DST: variants seen among roughly 807,000 people sequenced by gnomAD.
The protein encoded by DST is bullous pemphigoid antigen.
Under a neutral mutation model 875.2 loss-of-function variants are expected in DST, and 253 were observed. The ratio of observed to expected loss-of-function variants is 0.29; its 90% CI spans 0.26 to 0.32. The LOEUF is 0.32. Ranked by LOEUF, DST falls within the 10% of genes least tolerant of loss-of-function variation. The probability of loss-of-function intolerance (pLI) is 1.00; values close to 1 mark genes in which losing one functional copy is unlikely to be tolerated. For missense variants in DST, 8,287 were observed against 9,111.6 expected, an observed-to-expected ratio of 0.91 and a Z score of 3.68; for synonymous variants, 3,124 against 3,197.1, an observed-to-expected ratio of 0.98 and a Z score of 0.77.
At position 56,614,416 on chromosome 6, in the gene DST, A is replaced by G. The variant is rs554664201; in HGVS notation, c.4998T>C (p.Asn1666=). ...KAKELQKWVS[N]ISKTLKDAEK... The stretch of plus-strand genomic sequence containing the variant: ...CTGCATCTTTCAATGTCTTGCTGAT[A>G]TTTGATACCCATTTTTGCAATTCTT... Residue 1666 remains asparagine, a synonymous_variant, in exon 37 of 104, where the codon AAT becomes AAC. Transcript: ENST00000680361. 5 of 1,611,492 alleles carry G rather than the reference A, an allele frequency of 3.1e-6. No individual in the cohort carries two copies. Among genetic ancestry groups the G allele is most frequent in the South Asian group, 1.1e-5 (1 of 90,484 alleles).
intron 66 of DST, 61 bp downstream of exon 66, chr6:56,529,387 G>T: frequency 7.9e-7 from 1 of 1,269,864 alleles, no homozygotes; most frequent in Non-Finnish European, 1.0e-6. Context: ...CAGAAATAAG[G>T]ACTAAGAAAT....
chr6:56,578,290 G>A lies in DST; in HGVS notation c.13027+524C>T, dbSNP rs2097906129. Among the ~76,000 whole-genome samples the A allele has an allele frequency of 1.3e-5, 2 of 152,170 alleles. 1 individual carries two copies. The highest frequency in any genetic ancestry group is 1.3e-4 in the Admixed American group (2 of 15,276). On this transcript the variant is annotated intron_variant, in intron 50 of 103. Transcript: ENST00000680361. ...TCAGGAGGCTGAGATGAGGAAGACT[G>A]CTTGAGCCCAGGAAGTCAAGGCTGC... is the stretch of plus-strand genomic sequence containing the variant.
chr6:56,928,550 C>A (rs968827437), intron 2 of DST, among the ~76,000 whole-genome samples: 20 of 152,136 alleles, frequency 1.3e-4, no homozygotes, highest in Admixed American at 9.2e-4. Flanking sequence ...ACTCTTATTT[C>A]TATTATTTAA....
chr6:56,604,337 T>C lies in DST; in HGVS notation c.10291A>G (p.Arg3431Gly). 6.2e-7 allele frequency: 1 copy of C among 1,612,502 alleles called. No homozygotes were observed. Among genetic ancestry groups the C allele is most frequent in the African/African-American group, 1.3e-5 (1 of 74,984 alleles). The change falls in exon 40 of 104, where the codon AGA becomes GGA. Residue 3431 changes from arginine to glycine, a missense_variant. By Grantham distance (125) the Arg-to-Gly change is moderately radical. Around this residue, in one of 10 missense-constraint regions of DST, gnomAD observed 3,138 missense variants for 3,116.6 expected, o/e 1.01. Transcript: ENST00000680361. ...TTTCCAATACAGAAAGGATCATCTC[T>C]ACTTTCTGGCTTTAGTTCTGATGAG... Reference protein sequence around the residue: ...TNSSELKPESRDDPFCIGNLK... With the variant: ...TNSSELKPESGDDPFCIGNLK...
At chr6:56,486,853 G>GTA (rs2095587772) in intron 87 of DST, among the ~76,000 whole-genome samples, 1 of 152,060 alleles carries the variant, frequency 6.6e-6, no homozygotes, top group African/African-American at 2.4e-5. Context: ...AGAAGCAGTG[G>GTA]GTGTAGTCAA....
At chr6:56,618,122 T>G in intron 36 of DST, 2 of 1,614,180 alleles carry the variant, frequency 1.2e-6, no homozygotes, top group Non-Finnish European at 1.7e-6. Flanking sequence ...GTTTGTCTCA[T>G]CAAAAGTTAT....
chr6:56,607,375 TTC>T lies in DST; in HGVS notation c.7251_7252del (p.Asn2418Ter). On this transcript the variant is annotated frameshift_variant, in exon 40 of 104. Transcript: ENST00000680361. LOFTEE classifies it high-confidence loss of function. ...TGAATCCCTGTTTGTATTATCTTCA[TTC>T]TCTGTTTCATTCACACCACAGAATT... 3 of 1,612,956 alleles carry T rather than the reference TTC, an allele frequency of 1.9e-6. No homozygotes were observed. Among genetic ancestry groups the T allele is most frequent in the Non-Finnish European group, 2.5e-6 (3 of 1,179,614 alleles).
intron 4 of DST, among the ~76,000 whole-genome samples, chr6:56,776,188 C>T (rs1361150674): frequency 6.6e-6 from 1 of 152,172 alleles, no homozygotes; most frequent in African/African-American, 2.4e-5. Flanking sequence ...ATAGGAAAAA[C>T]ATCAGATAAA....
At chr6:56,679,007 A>G (rs2099144217) in intron 9 of DST, among the ~76,000 whole-genome samples, 1 of 152,228 alleles carries the variant, frequency 6.6e-6, no homozygotes, top group Non-Finnish European at 1.5e-5. Flanking sequence ...GGGCTCTCCC[A>G]TGTATGTATG....
chr6:56,824,154 G>A (rs925795987), intron 4 of DST, among the ~76,000 whole-genome samples: 6 of 152,274 alleles, frequency 3.9e-5, no homozygotes, highest in South Asian at 2.1e-4. Context: ...GATTGCAGGC[G>A]CGCGCCGCCA....
In DST at chr6:56,714,229, C is replaced by T. The variant is rs2099387385; in HGVS notation, c.688-9860G>A. 6.6e-6 allele frequency among the ~76,000 whole-genome samples: 1 copy of T among 152,148 alleles called. No individual in the cohort carries two copies. Among genetic ancestry groups the T allele is most frequent in the Admixed American group, 6.5e-5 (1 of 15,276 alleles). On this transcript the variant is annotated intron_variant, in intron 5 of 103. Coordinates refer to ENST00000680361, the MANE Select transcript of DST (RefSeq NM_001374736.1). This position sits in a 1 kb window ranked among gnomAD's most constrained non-coding sequence, Gnocchi z 4.5. The stretch of plus-strand genomic sequence containing the variant: ...TATGTTTGGAATGGAATTATAAATA[C>T]AGGTTTATTCTTTTAATTACTTAAT...
At chr6:56,476,399 G>T in intron 91 of DST, 62 bp from the exon 92 acceptor site, 2 of 1,341,222 alleles carry the variant, frequency 1.5e-6, no homozygotes, top group Non-Finnish European at 1.0e-6. Flanking sequence ...TTGCAGTGAT[G>T]TAAAATAAAT....
At chr6:56,684,817 C>T (rs1051190045) in intron 9 of DST, among the ~76,000 whole-genome samples, 1 of 152,160 alleles carries the variant, frequency 6.6e-6, no homozygotes, top group Non-Finnish European at 1.5e-5. Flanking sequence ...AAAGGCAGAC[C>T]CTTTTCACTG....
At chr6:56,884,780 G>A (rs1208395917) in intron 3 of DST, among the ~76,000 whole-genome samples, 1 of 151,970 alleles carries the variant, frequency 6.6e-6, no homozygotes, top group Non-Finnish European at 1.5e-5. Flanking sequence ...CCAGGCTGGA[G>A]TGCAATGGCG....
chr6:56,593,805 G>A lies in DST; in HGVS notation c.12584C>T (p.Thr4195Ile). Residue 4195 changes from threonine (T) to isoleucine (I), a missense_variant, in exon 48 of 104, where the codon ACA (threonine) becomes ATA (isoleucine). By Grantham distance (89) the Thr-to-Ile change is moderately conservative. Around this residue, in one of 10 missense-constraint regions of DST, gnomAD observed 1,513 missense variants for 1,677.8 expected, o/e 0.90. Transcript: ENST00000680361. Reference protein sequence around the residue: ...ISHKGDLRYITISGNRVLEAA... With the variant: ...ISHKGDLRYIIISGNRVLEAA... ...TTCCAACACTCTGTTTCCAGAAATT[G>A]TGATGTATCTCAAGTCACCTTTGTG... The A allele has an allele frequency of 6.2e-7, 1 of 1,613,926 alleles. No homozygotes were observed. Among genetic ancestry groups the A allele is most frequent in the South Asian group, 1.1e-5 (1 of 91,078 alleles).
intron 4 of DST, among the ~76,000 whole-genome samples, chr6:56,820,203 T>A (rs1345524470): frequency 1.3e-5 from 2 of 152,224 alleles, no homozygotes; most frequent in Admixed American, 1.3e-4. Context: ...AAAATAAGGA[T>A]ACTTTAAGTA....
intron 3 of DST, among the ~76,000 whole-genome samples, chr6:56,897,454 C>T (rs1274407909): frequency 2.0e-5 from 3 of 152,142 alleles, no homozygotes; most frequent in Admixed American, 1.3e-4. Flanking sequence ...CTTCCACCTC[C>T]CGAGTAGCTG....
chr6:56,678,649 A>C (rs2099142203), intron 9 of DST, among the ~76,000 whole-genome samples: 1 of 152,226 alleles, frequency 6.6e-6, no homozygotes, highest in South Asian at 2.1e-4. Context: ...GCAATTAAGT[A>C]GCAGCAGATG....
chr6:56,537,946 A>G (rs549057276), intron 61 of DST, among the ~76,000 whole-genome samples: 4 of 152,100 alleles, frequency 2.6e-5, no homozygotes, highest in Non-Finnish European at 4.4e-5. Flanking sequence ...GATGACTTCA[A>G]CCCCTTAACA....
Sources: allele counts gnomAD v4.1 joint callset (sites outside exome capture counted in the v4.1 genomes callset), GRCh38; gene constraint gnomAD v4.1.1; regional missense constraint gnomAD v4.1.1; non-coding constraint Gnocchi (gnomAD v3.1); transcripts MANE v1.5; gene names NCBI Gene and HGNC (gene_info 2026-07-23, HGNC 2026-07-21).